Variants in ARPP21 observed in about 807,000 individuals in gnomAD.
ARPP21 encodes cAMP-regulated phosphoprotein 21.
ARPP21 carries 69 observed loss-of-function variants against 113.2 expected under a neutral mutation model. That is an observed-to-expected ratio of 0.61 (90% CI 0.50 to 0.74). ARPP21 has a LOEUF of 0.74. ARPP21 is among the 30% of genes least tolerant of loss of function. The pLI, the probability that ARPP21 is intolerant of heterozygous loss-of-function variation, is 0.00. For synonymous variants in ARPP21, 368 were observed against 375.5 expected (o/e 0.98, Z 0.23); for missense variants, 1,070 against 1,037.4 (o/e 1.03, Z -0.43).
intron 19 of ARPP21, among the ~76,000 whole-genome samples, chr3:35,753,864 AT>A (rs774862356): frequency 4.6e-5 from 7 of 151,932 alleles, no homozygotes; most frequent in Non-Finnish European, 1.0e-4. Flanking sequence ...CCTTAATGGA[AT>A]TTACAAATTT....
intron 19 of ARPP21, among the ~76,000 whole-genome samples, chr3:35,781,201 A>T (rs1039164687): frequency 6.6e-6 from 1 of 152,184 alleles, no homozygotes; most frequent in Non-Finnish European, 1.5e-5. Flanking sequence ...GACCACTTAA[A>T]AATACTCATG....
chr3:35,710,875 A>C (rs568457932), intron 11 of ARPP21, among the ~76,000 whole-genome samples: 6 of 152,180 alleles, frequency 3.9e-5, no homozygotes, highest in African/African-American at 1.4e-4. Context: ...ATTTCCTTAC[A>C]ACCTTGTTAA....
chr3:35,662,112 A>G (rs1437013844), intron 1 of ARPP21, among the ~76,000 whole-genome samples: 1 of 152,190 alleles, frequency 6.6e-6, no homozygotes, highest in Non-Finnish European at 1.5e-5. Context: ...TCAGGTGTAG[A>G]AGATAATTCA....
intron 13 of ARPP21, among the ~76,000 whole-genome samples, chr3:35,719,977 T>G (rs1307260670): frequency 8.5e-5 from 13 of 152,196 alleles, no homozygotes. Flanking sequence ...TTGAAAAGGC[T>G]ATTTATTTCT....
chr3:35,669,953 C>A (rs904181565), intron 1 of ARPP21, among the ~76,000 whole-genome samples: 1 of 152,062 alleles, frequency 6.6e-6, no homozygotes, highest in African/African-American at 2.4e-5. Context: ...ACCATTCAGC[C>A]CTGGGACCAC....
Position 35,661,317 on chromosome 3 carries a change from A to G in ARPP21, c.-212-18470A>G, listed in dbSNP as rs148849390. 4.2e-3 allele frequency among the ~76,000 whole-genome samples: 642 copies of G among 152,272 alleles called. 6 individuals carry two copies. Among genetic ancestry groups the G allele is most frequent in the African/African-American group, 0.015 (609 of 41,556 alleles). ...ATTGAGCTATATCGTGAGAATGGTG[A>G]ATTTGTGCTGTTAAAACTTCACCTC... On this transcript the variant is annotated intron_variant, in intron 1 of 20. Transcript: ENST00000684406.
chr3:35,646,422 T>C (rs1559504471), intron 1 of ARPP21, among the ~76,000 whole-genome samples: 1 of 152,098 alleles, frequency 6.6e-6, no homozygotes, highest in Non-Finnish European at 1.5e-5. Flanking sequence ...TTTGATTTAA[T>C]CATCAAAGAG....
chr3:35,660,813 G>A (rs1350477688), intron 1 of ARPP21, among the ~76,000 whole-genome samples: 2 of 151,832 alleles, frequency 1.3e-5, no homozygotes, highest in Non-Finnish European at 2.9e-5. Context: ...GATAGTTGTG[G>A]GTTTTTTTCC....
chr3:35,794,101 A>G lies in ARPP21; in HGVS notation c.*143A>G, dbSNP rs893752543. 3 of 747,112 alleles carry G rather than the reference A, an allele frequency of 4.0e-6. No individual in the cohort carries two copies. The African/African-American group carries it at 5.3e-5, about 13-fold the overall frequency. 46.3% of individuals were successfully genotyped at this position (747,112 alleles called of 1,614,324 possible). On this transcript the variant is annotated 3_prime_UTR_variant, in exon 21 of 21. Transcript: ENST00000684406. ...CTGGTATTCTGTAAAAAATAAACAAAGACTAATATACACGTTAGCTGGTTA... is the reference window on the plus strand; with the variant it reads ...CTGGTATTCTGTAAAAAATAAACAAGGACTAATATACACGTTAGCTGGTTA...
rs2094989433 is a variant in ARPP21 at position 35,745,658 on chromosome 3, A to G, written c.2137+1693A>G. Among the ~76,000 whole-genome samples the G allele has an allele frequency of 2.0e-5, 3 of 152,312 alleles. No individual in the cohort carries two copies. In the South Asian group the frequency reaches 6.2e-4, roughly 32 times the overall value. On this transcript the variant is annotated intron_variant, in intron 19 of 20. Transcript: ENST00000684406. ...CTGGGCAACAGAATTAGATTTCAAAAAAGTTTAGGCCTCCCCCACTGACTT... is the reference window on the plus strand; with the variant it reads ...CTGGGCAACAGAATTAGATTTCAAAGAAGTTTAGGCCTCCCCCACTGACTT...
intron 2 of ARPP21, chr3:35,680,738 T>C (rs1218959415): frequency 2.6e-5 from 4 of 151,970 alleles, no homozygotes; most frequent in Admixed American, 2.6e-4. Context: ...TCTTTCTTTT[T>C]ACTTTCTTCT....
At chr3:35,667,635 T>A (rs1302265950) in intron 1 of ARPP21, among the ~76,000 whole-genome samples, 1 of 151,978 alleles carries the variant, frequency 6.6e-6, no homozygotes, top group South Asian at 2.1e-4. Flanking sequence ...TTGAAAGAGG[T>A]GCTAGATTAA....
chr3:35,742,257 A>G (rs2094712379), intron 18 of ARPP21, among the ~76,000 whole-genome samples: 2 of 152,250 alleles, frequency 1.3e-5, no homozygotes, highest in African/African-American at 4.8e-5. Flanking sequence ...AAAGACATGT[A>G]AATATAAATG....
intron 9 of ARPP21, among the ~76,000 whole-genome samples, chr3:35,694,942 ATATT>A (rs1363154368): frequency 4.7e-5 from 7 of 147,560 alleles, no homozygotes; most frequent in African/African-American, 9.8e-5. Context: ...CATAATATAT[ATATT>A]TATATAAATG....
chr3:35,781,129 G>C (rs945528133), intron 19 of ARPP21, among the ~76,000 whole-genome samples: 1 of 152,126 alleles, frequency 6.6e-6, no homozygotes, highest in Non-Finnish European at 1.5e-5. Context: ...TTAGATAGCT[G>C]GTTGTCCCTT....
chr3:35,739,486 G>T lies in ARPP21; in HGVS notation c.1919G>T (p.Gly640Val). 1 of 1,614,124 alleles carries T rather than the reference G, an allele frequency of 6.2e-7. No homozygotes were observed. The highest frequency in any genetic ancestry group is 8.5e-7 in the Non-Finnish European group (1 of 1,180,038). The change falls in exon 18 of 21, where the codon GGA becomes GTA. Residue 640 changes from glycine to valine, a missense_variant. Physicochemically the swap from Gly to Val is moderately radical, Grantham distance 109. Coordinates refer to ENST00000684406, the MANE Select transcript of ARPP21 (RefSeq NM_001385562.1). ...ASTGQQLPTG[G>V]FSGSGPPISQ... is the part of the protein sequence containing the mutation. Reference sequence around the variant, plus strand: ...ACAGGCCAGCAGCTTCCTACAGGAGGATTCTCAGGCTCTGGCCCTCCCATC... The same window carrying T: ...ACAGGCCAGCAGCTTCCTACAGGAGTATTCTCAGGCTCTGGCCCTCCCATC...
intron 9 of ARPP21, among the ~76,000 whole-genome samples, chr3:35,693,045 C>A (rs2082706659): frequency 6.7e-6 from 1 of 150,304 alleles, no homozygotes; most frequent in African/African-American, 2.4e-5. Context: ...AGAGTGCCAG[C>A]TTTTTTTTTA....
chr3:35,682,049 A>T (rs984242496), intron 3 of ARPP21, among the ~76,000 whole-genome samples, 169 bp downstream of exon 3: 1 of 151,800 alleles, frequency 6.6e-6, no homozygotes, highest in Non-Finnish European at 1.5e-5. Context: ...TCCTAACCCA[A>T]CCGTGCTCTA....
At chr3:35,757,992 G>A (rs2095633291) in intron 19 of ARPP21, among the ~76,000 whole-genome samples, 1 of 151,776 alleles carries the variant, frequency 6.6e-6, no homozygotes, top group Non-Finnish European at 1.5e-5. Context: ...CAGAATAGAG[G>A]GACAATATAC....
Sources: allele counts gnomAD v4.1 joint callset (sites outside exome capture counted in the v4.1 genomes callset), GRCh38; gene constraint gnomAD v4.1.1; transcripts MANE v1.5; gene names NCBI Gene and HGNC (gene_info 2026-07-23, HGNC 2026-07-21).